Variants in PREP observed in about 807,000 individuals in gnomAD.
PREP encodes prolyl endopeptidase, also known as dJ355L5.1 (prolyl endopeptidase).
A neutral mutation model predicts 87.6 loss-of-function variants in PREP; 29 were observed. That is an observed-to-expected ratio of 0.33 (90% CI 0.25 to 0.45). PREP has a LOEUF of 0.45. Ranked by LOEUF, PREP falls within the 20% of genes least tolerant of loss-of-function variation. The pLI is 1.00. For synonymous variants in PREP, 337 were observed against 328.6 expected (o/e 1.03, Z -0.28); for missense variants, 695 against 886.5 (o/e 0.78, Z 2.74).
rs911812131 is a variant in PREP, at chr6:105,323,612, C to A, written c.1317+53G>T. ...ATAAGCTACAGTGTGAATGGCCCAG[C>A]CTGAAAGTCAGACTTCCTAACTCTC... On this transcript the variant is annotated intron_variant, in intron 10 of 14. Coordinates refer to ENST00000652536, the MANE Select transcript of PREP (RefSeq NM_002726.5). The A allele has an allele frequency of 6.1e-6, 9 of 1,478,222 alleles. No individual in the cohort carries two copies. In the Admixed American group the frequency reaches 8.4e-5, roughly 14 times the overall value. The allele number at this position is 1,478,222 out of a possible 1,614,324, so 91.6% of individuals were successfully genotyped here. A position where few individuals can be genotyped will look rare whatever the true frequency, so the allele number is the denominator to read the frequency against.
intron 7 of PREP, among the ~76,000 whole-genome samples, chr6:105,338,729 CAGG>C (rs1047730897): frequency 7.2e-5 from 11 of 152,228 alleles, no homozygotes; most frequent in African/African-American, 2.7e-4. Context: ...AATGGCACAC[CAGG>C]AGATTATATC....
intron 10 of PREP, chr6:105,298,367 A>G (rs1770456493): frequency 6.6e-6 from 1 of 152,554 alleles, no homozygotes. Context: ...TTGGGCAGCA[A>G]AACAGCACTC....
At position 105,376,146 on chromosome 6, in the gene PREP, C is replaced by T. The variant is rs1233997511; in HGVS notation, c.364G>A (p.Asp122Asn). Residue 122 changes from aspartate to asparagine, a missense_variant, in exon 4 of 15, where the codon GAT becomes AAT. Around this residue, in one of 5 missense-constraint regions of PREP, gnomAD observed 517 missense variants for 620.3 expected, o/e 0.83. Transcript: ENST00000652536. ...TTACCTCGGAGTGCCACTGTGCCAT[C>T]GTCAGACAGTATGTTGGGGTCCAGG... ...VFLDPNILSD[D>N]GTVALRGYAF... 6.2e-7 allele frequency: 1 copy of T among 1,613,596 alleles called. No individual in the cohort carries two copies.
Position 105,278,572 on chromosome 6 carries a change from G to T in PREP, c.1839-134C>A. ...AGTGACCACCATGGACTGTGCCTAT[G>T]CGTTACCATTTAGGCCATGACTGGC... is the stretch of plus-strand genomic sequence containing the variant. On this transcript the variant is annotated intron_variant, in intron 14 of 14. Coordinates refer to ENST00000652536, the MANE Select transcript of PREP (RefSeq NM_002726.5). The surrounding 1 kb of genome is among the most constrained non-coding windows in gnomAD (Gnocchi z 4.2). 1 of 920,856 alleles carries T rather than the reference G, an allele frequency of 1.1e-6. No individual in the cohort carries two copies. The highest frequency in any genetic ancestry group is 1.6e-6 in the Non-Finnish European group (1 of 626,062). The allele number at this position is 920,856 out of a possible 1,614,324, so 57.0% of individuals were successfully genotyped here.
Position 105,302,927 on chromosome 6 carries a change from T to C in PREP, c.1318-14033A>G, listed in dbSNP as rs537913937. 1.1e-4 allele frequency: 24 copies of C among 224,804 alleles called. No homozygotes were observed. In the South Asian group the frequency reaches 1.2e-3, roughly 11 times the overall value. 13.9% of individuals were successfully genotyped at this position (224,804 alleles called of 1,614,324 possible). ...ACCTCAGGTCCGGAGCTCAAAGTCA[T>C]TGTAGCTACCTCTCCCACACCATCT... On this transcript the variant is annotated intron_variant, in intron 10 of 14. Coordinates refer to ENST00000652536, the MANE Select transcript of PREP (RefSeq NM_002726.5).
At chr6:105,305,712 A>G (rs73770139) in intron 10 of PREP, among the ~76,000 whole-genome samples, 9,484 of 152,192 alleles carry the variant, frequency 0.062, 941 homozygotes, top group African/African-American at 0.22. Flanking sequence ...CAAATCATAT[A>G]TATCTTTTTT....
chr6:105,277,896 A>G lies in PREP; in HGVS notation c.*248T>C. On this transcript the variant is annotated 3_prime_UTR_variant, in exon 15 of 15. Transcript: ENST00000652536. The stretch of plus-strand genomic sequence containing the variant: ...TTGCCATTTAGCTATTTATCCCAAC[A>G]TGCCCTTAAAAAAAACACCAAAAAA... 1 of 548,210 alleles carries G rather than the reference A, an allele frequency of 1.8e-6. No homozygotes were observed. The highest frequency in any genetic ancestry group is 2.4e-5 in the South Asian group (1 of 41,040). The allele number at this position is 548,210 out of a possible 1,614,324, so 34.0% of individuals were successfully genotyped here. A position where few individuals can be genotyped will look rare whatever the true frequency, so the allele number is the denominator to read the frequency against.
At chr6:105,389,134 G>C (rs1773075563) in intron 2 of PREP, among the ~76,000 whole-genome samples, 1 of 152,240 alleles carries the variant, frequency 6.6e-6, no homozygotes, top group Non-Finnish European at 1.5e-5. Context: ...GAGTCAGAAA[G>C]TATGTACCCT....
intron 10 of PREP, among the ~76,000 whole-genome samples, chr6:105,312,138 A>G (rs1149318): frequency 0.087 from 13,318 of 152,246 alleles, 1,923 homozygotes; most frequent in African/African-American, 0.3. Flanking sequence ...TTTTACTTGC[A>G]GGCTAAATGA....
At position 105,274,986 on chromosome 6, in the gene PREP, A is replaced by T. The variant is rs1488004742; in HGVS notation, c.*3158T>A. Among the ~76,000 whole-genome samples the T allele has an allele frequency of 6.6e-6, 1 of 152,202 alleles. No homozygotes were observed. The highest frequency in any genetic ancestry group is 1.5e-5 in the Non-Finnish European group (1 of 68,030). ...ATTTACCATCTGTCTCCTCCCTGGA[A>T]TATCAACTGGATGAGGGCAGGACAT... On this transcript the variant is annotated 3_prime_UTR_variant, in exon 15 of 15. Transcript: ENST00000652536.
intron 5 of PREP, among the ~76,000 whole-genome samples, chr6:105,370,959 A>G (rs931282544): frequency 6.6e-6 from 1 of 152,216 alleles, no homozygotes; most frequent in African/African-American, 2.4e-5. Flanking sequence ...GTCACTATAC[A>G]TTTGTTCAGA....
chr6:105,315,501 T>G (rs1421614285), intron 10 of PREP, among the ~76,000 whole-genome samples: 1 of 152,072 alleles, frequency 6.6e-6, no homozygotes, highest in African/African-American at 2.4e-5. Flanking sequence ...GGCCCTAGGA[T>G]TTTAAGAATG....
chr6:105,277,864 G>GTGTT lies in PREP; in HGVS notation c.*276_*279dup, dbSNP rs1769980235. 2 of 469,612 alleles carry GTGTT rather than the reference G, an allele frequency of 4.3e-6. No individual in the cohort carries two copies. Among genetic ancestry groups the GTGTT allele is most frequent in the Non-Finnish European group, 3.8e-6 (1 of 263,752 alleles). The allele number at this position is 469,612 out of a possible 1,614,324, so 29.1% of individuals were successfully genotyped here. A position where few individuals can be genotyped will look rare whatever the true frequency, so the allele number is the denominator to read the frequency against. Reference sequence around the variant, plus strand: ...AATTCAGCAATCTAATATTCACAATGTGTTTGTTGCCATTTAGCTATTTAT... The same window carrying GTGTT: ...AATTCAGCAATCTAATATTCACAATGTGTTTGTTTGTTGCCATTTAGCTATTTAT... On this transcript the variant is annotated 3_prime_UTR_variant, in exon 15 of 15. Transcript: ENST00000652536.
At chr6:105,345,608 G>A (rs1771775489) in intron 7 of PREP, among the ~76,000 whole-genome samples, 1 of 152,228 alleles carries the variant, frequency 6.6e-6, no homozygotes, top group South Asian at 2.1e-4. Flanking sequence ...GGCTGGACAT[G>A]TCACGACAAC....
At chr6:105,322,987 G>A (rs1037623342) in intron 10 of PREP, 23 of 1,301,584 alleles carry the variant, frequency 1.8e-5, no homozygotes, top group Non-Finnish European at 2.3e-5. Flanking sequence ...CTCCAGGTGG[G>A]AGGGGCCTTG....
At chr6:105,327,599 G>GAGACA (rs1771200682) in intron 9 of PREP, among the ~76,000 whole-genome samples, 1 of 152,150 alleles carries the variant, frequency 6.6e-6, no homozygotes. Flanking sequence ...TAACAGTGAT[G>GAGACA]AGACATCACT....
At chr6:105,303,201 A>T (rs1306579042) in intron 10 of PREP, among the ~76,000 whole-genome samples, 8 of 152,036 alleles carry the variant, frequency 5.3e-5, no homozygotes, top group Admixed American at 5.2e-4. Flanking sequence ...AGTAGCCAGG[A>T]CTTCAGGCAT....
intron 2 of PREP, among the ~76,000 whole-genome samples, chr6:105,378,721 T>C (rs1267937561): frequency 6.6e-5 from 10 of 152,220 alleles, no homozygotes; most frequent in Admixed American, 5.9e-4. Context: ...GAACATTGTA[T>C]CAGCTTTAAA....
At chr6:105,381,352 AC>A (rs1772832754) in intron 2 of PREP, among the ~76,000 whole-genome samples, 1 of 152,248 alleles carries the variant, frequency 6.6e-6, no homozygotes, top group African/African-American at 2.4e-5. Context: ...TGATATTTTA[AC>A]CAGGGAAATG....
Sources: gnomAD v4.1 joint callset for allele counts (sites outside exome capture counted in the v4.1 genomes callset) on GRCh38, gnomAD v4.1.1 for gene constraint, gnomAD v4.1.1 regional missense constraint, Gnocchi (gnomAD v3.1) non-coding constraint, MANE v1.5 for transcripts, NCBI Gene and HGNC (gene_info 2026-07-23, HGNC 2026-07-21) for gene names.